Variants in USP32 observed in about 807,000 individuals in gnomAD.
USP32 encodes ubiquitin specific peptidase 32.
Under a neutral mutation model 204.8 loss-of-function variants are expected in USP32, and 59 were observed. The ratio of observed to expected loss-of-function variants is 0.29; its 90% confidence interval spans 0.23 to 0.36. The LOEUF is 0.36. Ranked by LOEUF, USP32 falls within the 10% of genes least tolerant of loss-of-function variation. The probability of loss-of-function intolerance (pLI) is 1.00; values close to 1 mark genes in which losing one functional copy is unlikely to be tolerated. For synonymous variants in USP32, 517 were observed against 678.4 expected (o/e 0.76, Z 3.70); for missense variants, 1,160 against 1,946.4 (o/e 0.60, Z 7.60).
At chr17:60,184,409 A>G (rs1042373943) in intron 30 of USP32, among the ~76,000 whole-genome samples, 2 of 151,958 alleles carry the variant, frequency 1.3e-5, no homozygotes, top group African/African-American at 4.8e-5. Context: ...GCTAGCTAAC[A>G]ACCAATGTTA....
chr17:60,351,185 G>T (rs947046327), intron 1 of USP32, among the ~76,000 whole-genome samples: 2 of 152,010 alleles, frequency 1.3e-5, no homozygotes, highest in African/African-American at 4.8e-5. Context: ...AGTCTATGAG[G>T]AGTAGTTAGA....
chr17:60,364,380 G>C (rs1312061022), intron 1 of USP32, among the ~76,000 whole-genome samples: 1 of 152,124 alleles, frequency 6.6e-6, no homozygotes, highest in Non-Finnish European at 1.5e-5. Flanking sequence ...TGGTTTTTGA[G>C]GGGTTGTCTG....
At chr17:60,216,947 T>C (rs1208495146) in intron 16 of USP32, among the ~76,000 whole-genome samples, 2 of 151,072 alleles carry the variant, frequency 1.3e-5, no homozygotes, top group Admixed American at 6.6e-5. Context: ...AATTTTAAAA[T>C]GATTAATGAT....
Position 60,301,659 on chromosome 17 carries a change from T to C in USP32, c.232A>G (p.Asn78Asp). The C allele has an allele frequency of 6.3e-7, 1 of 1,599,594 alleles. No individual in the cohort carries two copies. Among genetic ancestry groups the C allele is most frequent in the East Asian group, 2.3e-5 (1 of 44,232 alleles). The change falls in exon 3 of 34, where the codon AAT becomes GAT. Residue 78 changes from asparagine (N) to aspartate (D), a missense_variant. Physicochemically the swap from Asn to Asp is conservative, Grantham distance 23. Transcript: ENST00000300896. ...FGGTSKGLHF[N>D]NLIVGLVLLT... ...AGGACAAGTCCAACTATTAAATTATTGAAGTGCAGCCCTTTGGATGTTCCA... is the reference window on the plus strand; with the variant it reads ...AGGACAAGTCCAACTATTAAATTATCGAAGTGCAGCCCTTTGGATGTTCCA...
intron 2 of USP32, among the ~76,000 whole-genome samples, chr17:60,315,197 A>G (rs2087943707): frequency 6.6e-6 from 1 of 152,174 alleles, no homozygotes; most frequent in South Asian, 2.1e-4. Context: ...CAGGAGTTCA[A>G]AACCAGCCTG....
chr17:60,333,241 CATATT>C (rs2088433041), intron 2 of USP32, among the ~76,000 whole-genome samples: 1 of 152,158 alleles, frequency 6.6e-6, no homozygotes, highest in Admixed American at 6.6e-5. Context: ...GTTGATAACA[CATATT>C]ATATGCCTTC....
At chr17:60,213,443 T>TC (rs999093791) in intron 18 of USP32, 138 bp downstream of exon 18, 15 of 519,650 alleles carry the variant, frequency 2.9e-5, no homozygotes, top group Non-Finnish European at 4.8e-5. Context: ...TTCTTTTTTT[T>TC]CCAAAGGGTT....
chr17:60,355,110 A>G (rs1287940528), intron 1 of USP32, among the ~76,000 whole-genome samples: 1 of 152,224 alleles, frequency 6.6e-6, no homozygotes, highest in Non-Finnish European at 1.5e-5. Context: ...AAAAGGAGAA[A>G]ACGAAAGTGC....
intron 1 of USP32, among the ~76,000 whole-genome samples, chr17:60,361,087 C>G (rs1261269833): frequency 1.3e-5 from 2 of 152,142 alleles, no homozygotes; most frequent in African/African-American, 4.8e-5. Context: ...TGAGAACATG[C>G]CACTGCACTC....
At chr17:60,247,104 TCAGA>T (rs1262196598) in intron 11 of USP32, among the ~76,000 whole-genome samples, 1 of 152,206 alleles carries the variant, frequency 6.6e-6, no homozygotes, top group African/African-American at 2.4e-5. Flanking sequence ...GTCATACCAC[TCAGA>T]CAAATGTCCT....
Position 60,183,255 on chromosome 17 carries a change from C to A in USP32, c.4033G>T (p.Val1345Leu). Residue 1345 changes from valine (V) to leucine (L), a missense_variant, in exon 31 of 34, where the codon GTG (valine) becomes TTG (leucine). Coordinates refer to ENST00000300896, the MANE Select transcript of USP32 (RefSeq NM_032582.4). Reference sequence around the variant, plus strand: ...TCCCCAGCCGAACTCTGCGCATCCACTTTCTTCACCTCCCTTGCCAGAATC... The same window carrying A: ...TCCCCAGCCGAACTCTGCGCATCCAATTTCTTCACCTCCCTTGCCAGAATC... ...PRILAREVKK[V>L]DAQSSAGEED... is the part of the protein sequence containing the mutation. 6.2e-7 allele frequency: 1 copy of A among 1,614,030 alleles called. No individual in the cohort carries two copies. The highest frequency in any genetic ancestry group is 8.5e-7 in the Non-Finnish European group (1 of 1,179,870).
chr17:60,380,962 T>C (rs1021523987), intron 1 of USP32, among the ~76,000 whole-genome samples: 22 of 152,236 alleles, frequency 1.4e-4, no homozygotes, highest in African/African-American at 5.1e-4. Flanking sequence ...GGAGGCATTA[T>C]TTATAACCCA....
intron 27 of USP32, among the ~76,000 whole-genome samples, chr17:60,195,568 C>T (rs2084492814): frequency 2.0e-5 from 3 of 152,114 alleles, no homozygotes; most frequent in Non-Finnish European, 2.9e-5. Flanking sequence ...GAACTCCTGG[C>T]CTCAAGTGAT....
Position 60,255,885 on chromosome 17 carries a change from G to A in USP32, c.991-627C>T, listed in dbSNP as rs915441347. ...TGTTCTGGTAACATTATTTGTCCTC[G>A]CTTCCTTTTATGCCTCAAATATATT... On this transcript the variant is annotated intron_variant, in intron 9 of 33. Coordinates refer to ENST00000300896, the MANE Select transcript of USP32 (RefSeq NM_032582.4). 2.6e-5 allele frequency among the ~76,000 whole-genome samples: 4 copies of A among 152,208 alleles called. No individual in the cohort carries two copies. The East Asian group carries it at 5.8e-4, about 22-fold the overall frequency.
intron 1 of USP32, among the ~76,000 whole-genome samples, chr17:60,375,282 A>G (rs2089518394): frequency 6.6e-6 from 1 of 152,204 alleles, no homozygotes; most frequent in Non-Finnish European, 1.5e-5. Context: ...GTCACACAGA[A>G]CAATCATAAT....
intron 1 of USP32, among the ~76,000 whole-genome samples, chr17:60,404,649 T>G (rs560682762): frequency 7.2e-5 from 11 of 152,284 alleles, no homozygotes; most frequent in African/African-American, 2.6e-4. Context: ...TATAGGGAAA[T>G]TGTAGAAGAG....
rs2084252737 is a variant in USP32, at chr17:60,186,449, A to G, written c.3643-798T>C. Among the ~76,000 whole-genome samples the G allele has an allele frequency of 2.0e-5, 3 of 152,248 alleles. No individual in the cohort carries two copies. In the South Asian group the frequency reaches 6.2e-4, roughly 31 times the overall value. ...GCTCACCATGAGAAGACAACACAGC[A>G]GAGCATGAAACCCCACAGGGTACAA... On this transcript the variant is annotated intron_variant, in intron 29 of 33. Coordinates refer to ENST00000300896, the MANE Select transcript of USP32 (RefSeq NM_032582.4).
chr17:60,392,625 T>C (rs1453779250), upstream of USP32: 1 of 451,574 alleles, frequency 2.2e-6, no homozygotes, highest in Non-Finnish European at 4.4e-6. Context: ...GGCATATGGC[T>C]CAGAAGAGAA....
chr17:60,216,063 A>T (rs1435038553), intron 16 of USP32, among the ~76,000 whole-genome samples: 3 of 152,164 alleles, frequency 2.0e-5, no homozygotes, highest in Admixed American at 6.5e-5. Flanking sequence ...GGCCAAATAA[A>T]CAAGTGCCCA....
Sources: gnomAD v4.1 joint callset for allele counts (sites outside exome capture counted in the v4.1 genomes callset) on GRCh38, gnomAD v4.1.1 for gene constraint, MANE v1.5 for transcripts, NCBI Gene and HGNC (gene_info 2026-07-23, HGNC 2026-07-21) for gene names.